The following OR2L13 variants were observed in gnomAD, a reference collection of about 807,000 sequenced individuals.
The protein encoded by OR2L13 is olfactory receptor 2L13.
OR2L13 carries 14 observed loss-of-function variants against 15.3 expected under a neutral mutation model. The observed-to-expected ratio is 0.91, with a 90% CI of 0.60 to 1.43. The LOEUF is 1.43. Ranked by LOEUF, OR2L13 falls within the 40% of genes most tolerant of loss-of-function variation. The pLI, the probability that OR2L13 is intolerant of heterozygous loss-of-function variation, is 0.00. For missense variants in OR2L13, 367 were observed against 387.9 expected (o/e 0.95, Z 0.45); for synonymous variants, 152 against 142.9 (o/e 1.06, Z -0.45).
At chr1:247,965,951 C>T in the OR2L13 span, 62 of 1,608,516 alleles carry the variant, frequency 3.9e-5, no homozygotes, top group Non-Finnish European at 5.0e-5. Flanking sequence ...TGTCAGGACA[C>T]CTCCCAGTAT....
At chr1:247,948,897 T>C in the OR2L13 span, 186 of 1,612,872 alleles carry the variant, frequency 1.2e-4, no homozygotes, top group African/African-American at 1.9e-3. Flanking sequence ...TTTCATCTTA[T>C]TGGGGCTGTT....
At chr1:247,958,198 TAC>T in the OR2L13 span, among the ~76,000 whole-genome samples, 1 of 152,224 alleles carries the variant, frequency 6.6e-6, no homozygotes, top group African/African-American at 2.4e-5. Context: ...TTTCGTTATG[TAC>T]CCAGTAGTCA....
the OR2L13 span, chr1:247,966,247 A>G: frequency 6.2e-7 from 1 of 1,613,120 alleles, no homozygotes; most frequent in African/African-American, 1.3e-5. Flanking sequence ...ATTTATCTAC[A>G]GCCTGAGAAA....
chr1:248,060,294 T>C, the OR2L13 span, among the ~76,000 whole-genome samples: 1 of 152,166 alleles, frequency 6.6e-6, no homozygotes, highest in African/African-American at 2.4e-5. Flanking sequence ...CAAATGTTGG[T>C]ATCATCAAAT....
chr1:247,943,557 A>T, the OR2L13 span, among the ~76,000 whole-genome samples: 7 of 152,128 alleles, frequency 4.6e-5, no homozygotes, highest in African/African-American at 1.7e-4. Flanking sequence ...CAATAATTTG[A>T]TGTTTTTTGA....
the OR2L13 span, among the ~76,000 whole-genome samples, chr1:248,019,764 CTTCTTT>C: frequency 1.3e-5 from 2 of 148,470 alleles, no homozygotes; most frequent in African/African-American, 5.1e-5. Flanking sequence ...CCTTCTTCTT[CTTCTTT>C]GTCTTGTTCT....
chr1:247,958,149 T>G, the OR2L13 span, among the ~76,000 whole-genome samples: 6 of 152,192 alleles, frequency 3.9e-5, no homozygotes, highest in Admixed American at 3.9e-4. Context: ...GTGTCTTTGT[T>G]CTTGTTGGTT....
the OR2L13 span, chr1:248,021,858 C>T: frequency 3.0e-6 from 3 of 986,382 alleles, no homozygotes; most frequent in African/African-American, 1.6e-5. Context: ...TCACTGGAGG[C>T]CTTGGAATGC....
At chr1:248,026,631 A>G in the OR2L13 span, among the ~76,000 whole-genome samples, 1 of 152,224 alleles carries the variant, frequency 6.6e-6, no homozygotes, top group Non-Finnish European at 1.5e-5. Flanking sequence ...GGCTGAAGCC[A>G]TGGCAGAAGA....
the OR2L13 span, chr1:248,038,707 C>T: frequency 6.2e-7 from 1 of 1,614,098 alleles, no homozygotes; most frequent in Non-Finnish European, 8.5e-7. Context: ...ATAACAGGAT[C>T]TTGGATGATA....
the OR2L13 span, chr1:247,966,396 ATG>A: frequency 4.7e-6 from 7 of 1,500,326 alleles, no homozygotes; most frequent in Non-Finnish European, 6.3e-6. Context: ...AGATATAAAT[ATG>A]TGTTTTCTGT....
chr1:248,100,827 T>A (rs1664844507), exon 3 of OR2L13: 1 of 167,230 alleles, frequency 6.0e-6, no homozygotes, highest in South Asian at 2.1e-4. Context: ...TATATGCATG[T>A]GTATGTGCAT....
At chr1:247,940,605 C>T in the OR2L13 span, among the ~76,000 whole-genome samples, 2 of 152,110 alleles carry the variant, frequency 1.3e-5, no homozygotes, top group South Asian at 4.1e-4. Context: ...ATTCCTTATC[C>T]AACTCACTGT....
At chr1:248,081,552 T>C in the OR2L13 span, among the ~76,000 whole-genome samples, 469 of 152,328 alleles carry the variant, frequency 3.1e-3, 2 homozygotes, top group Non-Finnish European at 4.3e-3. Context: ...GTATGAGTAA[T>C]GAAATTTCCG....
the OR2L13 span, chr1:248,055,890 A>G: frequency 1.3e-5 from 2 of 149,630 alleles, no homozygotes; most frequent in East Asian, 4.0e-4. Flanking sequence ...GCTGTAATCC[A>G]TCTGAACCTG....
chr1:248,038,736 G>A, the OR2L13 span: 3 of 1,613,994 alleles, frequency 1.9e-6, no homozygotes, highest in East Asian at 4.5e-5. Flanking sequence ...CAACTCTTGT[G>A]CTCACACAGT....
the OR2L13 span, among the ~76,000 whole-genome samples, chr1:247,964,935 G>A: frequency 2.0e-5 from 3 of 148,728 alleles, no homozygotes; most frequent in African/African-American, 7.4e-5. Flanking sequence ...TTATAGATAC[G>A]TGTATATAAA....
chr1:247,987,868 C>T, the OR2L13 span, among the ~76,000 whole-genome samples: 1 of 152,024 alleles, frequency 6.6e-6, no homozygotes, highest in African/African-American at 2.4e-5. Context: ...TTGACAACAT[C>T]ATCTCATCTG....
the OR2L13 span, chr1:247,937,462 C>G: frequency 6.2e-6 from 1 of 160,150 alleles, no homozygotes; most frequent in Non-Finnish European, 1.4e-5. Flanking sequence ...AGCCCTCCTC[C>G]CCTCCCATCA....
Sources: allele counts gnomAD v4.1 joint callset (sites outside exome capture counted in the v4.1 genomes callset), GRCh38; gene constraint gnomAD v4.1.1; transcripts MANE v1.5; gene names NCBI Gene and HGNC (gene_info 2026-07-23, HGNC 2026-07-21).